The following MYO9A variants were observed in gnomAD, a reference collection of about 807,000 sequenced individuals.
The protein encoded by MYO9A is unconventional myosin-IXa.
MYO9A carries 103 observed loss-of-function variants against 293.3 expected under a neutral mutation model. The ratio of observed to expected loss-of-function variants is 0.35; its 90% CI spans 0.30 to 0.41. The LOEUF (loss-of-function observed/expected upper bound fraction) is 0.41, where lower values mean the gene tolerates loss of function less well. MYO9A is among the 10% of genes least tolerant of loss of function. The pLI is 1.00. For synonymous variants in MYO9A, 1,001 were observed against 1,035.7 expected (o/e 0.97, Z 0.64); for missense variants, 2,685 against 3,033.0 (o/e 0.89, Z 2.69).
intron 11 of MYO9A, among the ~76,000 whole-genome samples, chr15:71,981,276 CATT>C (rs1056052977): frequency 1.3e-5 from 2 of 152,142 alleles, no homozygotes; most frequent in African/African-American, 4.8e-5. Context: ...ATGTGTGTAT[CATT>C]GTTATCCTGG....
intron 5 of MYO9A, among the ~76,000 whole-genome samples, chr15:72,020,597 G>T (rs1031089962): frequency 1.3e-5 from 2 of 152,126 alleles, no homozygotes; most frequent in Non-Finnish European, 2.9e-5. Flanking sequence ...TATCCTGGGG[G>T]TTGTAAAAGG....
intron 15 of MYO9A, among the ~76,000 whole-genome samples, chr15:71,948,509 G>A (rs1229478644): frequency 6.6e-6 from 1 of 152,204 alleles, no homozygotes; most frequent in East Asian, 1.9e-4. Context: ...AAGCTTTATT[G>A]GAACACAGCT....
In MYO9A at chr15:72,099,437, A is replaced by AAG. The variant is rs1227596843; in HGVS notation, c.-72+18242_-72+18243insCT. The stretch of plus-strand genomic sequence containing the variant: ...GACCCTGCCCCAAAAAAAAAAAAAA[A>AAG]AAAAAGAAAAAAAAATTAGCCAGGT... On this transcript the variant is annotated intron_variant, in intron 1 of 41. Coordinates refer to ENST00000356056, the MANE Select transcript of MYO9A (RefSeq NM_006901.4). 1.3e-3 allele frequency among the ~76,000 whole-genome samples: 192 copies of AAG among 150,526 alleles called. 1 individual carries two copies. Among genetic ancestry groups the AAG allele is most frequent in the Non-Finnish European group, 1.6e-3 (108 of 67,538 alleles).
At chr15:72,114,967 A>C (rs1052522260) in intron 1 of MYO9A, among the ~76,000 whole-genome samples, 3 of 152,202 alleles carry the variant, frequency 2.0e-5, no homozygotes, top group African/African-American at 7.2e-5. Flanking sequence ...AATCCAAATG[A>C]TTAGGAAAGA....
At chr15:71,961,737 T>TC in intron 13 of MYO9A, among the ~76,000 whole-genome samples, 1 of 152,292 alleles carries the variant, frequency 6.6e-6, no homozygotes, top group East Asian at 1.9e-4. Context: ...ATATAGATTT[T>TC]TTTTTTTAAA....
In MYO9A at chr15:71,823,346, T is replaced by C. The variant is rs1011371643; in HGVS notation, c.*3234A>G. On this transcript the variant is annotated 3_prime_UTR_variant, in exon 42 of 42. Transcript: ENST00000356056. ...TTGATGGAGAAAACAACGCTACTGTTATGAAACACAGAATGGAGTCTTCAT... is the reference window on the plus strand; with the variant it reads ...TTGATGGAGAAAACAACGCTACTGTCATGAAACACAGAATGGAGTCTTCAT... The C allele has an allele frequency of 2.4e-4, 36 of 152,202 alleles. No homozygotes were observed. Among genetic ancestry groups the C allele is most frequent in the African/African-American group, 8.7e-4 (36 of 41,450 alleles). 9.4% of individuals were successfully genotyped at this position (152,202 alleles called of 1,614,324 possible). A position where few individuals can be genotyped will look rare whatever the true frequency, so the allele number is the denominator to read the frequency against.
intron 39 of MYO9A, among the ~76,000 whole-genome samples, chr15:71,833,115 T>TA (rs905233663): frequency 4.0e-5 from 6 of 151,614 alleles, no homozygotes; most frequent in Non-Finnish European, 1.5e-5. Context: ...AAAAAGCACA[T>TA]AAAAAACAGT....
At chr15:71,862,929 CTT>C (rs71131712) in intron 32 of MYO9A, among the ~76,000 whole-genome samples, 45 of 130,098 alleles carry the variant, frequency 3.5e-4, no homozygotes, top group East Asian at 6.8e-4. Context: ...CTTTTTTTGG[CTT>C]TTTTTTTTTT....
At chr15:71,932,992 A>C (rs907411851) in intron 18 of MYO9A, among the ~76,000 whole-genome samples, 4 of 152,060 alleles carry the variant, frequency 2.6e-5, no homozygotes, top group Admixed American at 6.6e-5. Context: ...ATGAAACAAC[A>C]ACCCCTGCAA....
At chr15:72,099,215 G>C (rs375430220) in intron 1 of MYO9A, among the ~76,000 whole-genome samples, 1 of 151,888 alleles carries the variant, frequency 6.6e-6, no homozygotes, top group Non-Finnish European at 1.5e-5. Context: ...GAGGCAGACA[G>C]ATCAACTGAG....
At chr15:71,926,871 G>C (rs951911787) in intron 18 of MYO9A, among the ~76,000 whole-genome samples, 8 of 152,222 alleles carry the variant, frequency 5.3e-5, no homozygotes, top group Non-Finnish European at 1.2e-4. Flanking sequence ...TTTCAGAGGT[G>C]GCATCATTGG....
At position 71,906,758 on chromosome 15, in the gene MYO9A, C is replaced by CTTTTT. The variant is rs71131714; in HGVS notation, c.2686-1757_2686-1753dup. Among the ~76,000 whole-genome samples, 86 of 60,996 alleles carry CTTTTT rather than the reference C, an allele frequency of 1.4e-3. 3 individuals carry two copies. Among genetic ancestry groups the CTTTTT allele is most frequent in the African/African-American group, 3.6e-3 (57 of 15,708 alleles). The allele number at this position is 60,996 out of a possible 152,430, so 40.0% of individuals were successfully genotyped here. A position where few individuals can be genotyped will look rare whatever the true frequency, so the allele number is the denominator to read the frequency against. ...CCAATCAGATAATATCCATTTCTTT[C>CTTTTT]TTTTTTTTTTTTTTTTTTTTCCTGA... On this transcript the variant is annotated intron_variant, in intron 19 of 41. Coordinates refer to ENST00000356056, the MANE Select transcript of MYO9A (RefSeq NM_006901.4).
chr15:71,958,002 G>A (rs2059243100), intron 14 of MYO9A, among the ~76,000 whole-genome samples: 1 of 152,064 alleles, frequency 6.6e-6, no homozygotes, highest in East Asian at 1.9e-4. Context: ...TTCCCAGTCA[G>A]GGTGTTTCTT....
At chr15:71,845,350 G>A (rs1414350522) in intron 39 of MYO9A, among the ~76,000 whole-genome samples, 13 of 147,776 alleles carry the variant, frequency 8.8e-5, no homozygotes, top group African/African-American at 3.5e-4. Context: ...ATATGAAAAG[G>A]AATTATTCTC....
chr15:71,850,458 T>C (rs2055585124), intron 37 of MYO9A, among the ~76,000 whole-genome samples: 1 of 152,126 alleles, frequency 6.6e-6, no homozygotes, highest in African/African-American at 2.4e-5. Flanking sequence ...GATCACTAGA[T>C]GAACATGTCC....
At chr15:71,941,331 A>T (rs1327807889) in intron 15 of MYO9A, among the ~76,000 whole-genome samples, 1 of 152,134 alleles carries the variant, frequency 6.6e-6, no homozygotes, top group Non-Finnish European at 1.5e-5. Context: ...ACTACTCAGG[A>T]GGCTGAGGGA....
Position 71,899,771 on chromosome 15 carries a change from T to G in MYO9A, c.3386A>C (p.Tyr1129Ser), listed in dbSNP as rs779651602. 5.7e-5 allele frequency: 92 copies of G among 1,614,112 alleles called. No individual in the cohort carries two copies. The highest frequency in any genetic ancestry group is 7.6e-5 in the Non-Finnish European group (90 of 1,180,040). The stretch of plus-strand genomic sequence containing the variant: ...TTCTTGGTACCTTTTACTTTCCCTG[T>G]AGGCTTTCCATCTTGCTTGTATGCA... ...AICIQARWKA[Y>S]RESKRYQEQR... Residue 1129 changes from tyrosine to serine, a missense_variant, in exon 24 of 42, where the codon TAC (tyrosine) becomes TCC (serine). By Grantham distance (144) the Tyr-to-Ser change is moderately radical (BLOSUM62 -2). Around this residue, in one of 10 missense-constraint regions of MYO9A, gnomAD observed 1,434 missense variants for 1,497.7 expected, o/e 0.96. Transcript: ENST00000356056.
intron 37 of MYO9A, 149 bp downstream of exon 37, chr15:71,851,104 G>C: frequency 1.6e-6 from 1 of 628,530 alleles, no homozygotes; most frequent in Non-Finnish European, 2.7e-6. Flanking sequence ...TCTGCTCCAA[G>C]GTATCCTAAC....
At chr15:71,992,090 T>TA (rs79072695) in intron 10 of MYO9A, among the ~76,000 whole-genome samples, 19 of 146,832 alleles carry the variant, frequency 1.3e-4, no homozygotes, top group East Asian at 3.9e-4. Context: ...AAATATTTAT[T>TA]AAAAAAAAAA....
Sources: gnomAD v4.1 joint callset for allele counts (sites outside exome capture counted in the v4.1 genomes callset) on GRCh38, gnomAD v4.1.1 for gene constraint, gnomAD v4.1.1 regional missense constraint, MANE v1.5 for transcripts, NCBI Gene and HGNC (gene_info 2026-07-23, HGNC 2026-07-21) for gene names.